Variants in TMPRSS11B observed in about 807,000 individuals in gnomAD.
TMPRSS11B encodes the protein transmembrane protease serine 11B.
TMPRSS11B carries 53 observed loss-of-function variants against 44.7 expected under a neutral mutation model. The observed-to-expected ratio is 1.19, with a 90% CI of 0.95 to 1.49. TMPRSS11B has a LOEUF of 1.49. Among genes scored for constraint, TMPRSS11B ranks in the 40% most tolerant of loss-of-function variants. TMPRSS11B has a pLI of 0.00. For synonymous variants in TMPRSS11B, 140 were observed against 159.2 expected, an observed-to-expected ratio of 0.88 and a Z score of 0.91; for missense variants, 526 against 494.8, an observed-to-expected ratio of 1.06 and a Z score of -0.60.
chr4:68,235,948 T>C, intron 4 of TMPRSS11B, 54 bp downstream of exon 4: 1 of 1,008,172 alleles, frequency 9.9e-7, no homozygotes, highest in Non-Finnish European at 1.4e-6. Flanking sequence ...ATCAAGGTTG[T>C]ATGATATATC....
intron 5 of TMPRSS11B, among the ~76,000 whole-genome samples, chr4:68,232,950 T>C (rs1719558598): frequency 6.6e-6 from 1 of 151,200 alleles, no homozygotes; most frequent in South Asian, 2.1e-4. Flanking sequence ...ATTATATATA[T>C]TTTAAGGAAA....
At chr4:68,228,394 G>A (rs573540326) in intron 9 of TMPRSS11B, among the ~76,000 whole-genome samples, 1 of 152,182 alleles carries the variant, frequency 6.6e-6, no homozygotes, top group Non-Finnish European at 1.5e-5. Flanking sequence ...AAGTGGCATA[G>A]GCATGTGCCC....
At chr4:68,228,672 AT>A in intron 9 of TMPRSS11B, 69 bp downstream of exon 9, 1 of 1,517,998 alleles carries the variant, frequency 6.6e-7, no homozygotes, top group African/African-American at 1.4e-5. Flanking sequence ...CACAAAAAAA[AT>A]TTTATGTGGA....
rs751296735 is a variant in TMPRSS11B, at chr4:68,227,887, T to C, written c.*24A>G. ...AGGATAGCCTACAGTGGTCTTTATG[T>C]TCCTTTGTATAATTCCTTTTTTTTC... On this transcript the variant is annotated 3_prime_UTR_variant, in exon 10 of 10. Transcript: ENST00000332644. The C allele has an allele frequency of 6.4e-7, 1 of 1,562,828 alleles. No individual in the cohort carries two copies. The highest frequency in any genetic ancestry group is 8.6e-7 in the Non-Finnish European group (1 of 1,157,878).
At chr4:68,228,998 A>C in intron 8 of TMPRSS11B, 114 bp from the exon 9 acceptor site, 2 of 1,141,564 alleles carry the variant, frequency 1.8e-6, no homozygotes, top group Non-Finnish European at 2.5e-6. Flanking sequence ...GGCCAGTCCC[A>C]GGTTAGATTA....
intron 5 of TMPRSS11B, 71 bp from the exon 6 acceptor site, chr4:68,232,487 A>G (rs982665752): frequency 7.2e-5 from 101 of 1,403,428 alleles, no homozygotes; most frequent in Non-Finnish European, 9.7e-5. Flanking sequence ...CAACCTAAGA[A>G]CATAAATGCT....
chr4:68,234,068 G>C (rs1029595045), intron 5 of TMPRSS11B, among the ~76,000 whole-genome samples: 1 of 151,884 alleles, frequency 6.6e-6, no homozygotes, highest in Non-Finnish European at 1.5e-5. Context: ...GGCTGAGGCA[G>C]GAGAACTGCT....
chr4:68,239,834 G>T (rs1358191517), intron 2 of TMPRSS11B, among the ~76,000 whole-genome samples: 2 of 152,170 alleles, frequency 1.3e-5, no homozygotes, highest in African/African-American at 2.4e-5. Flanking sequence ...GTAGGGCCTA[G>T]AGAATGAACA....
At position 68,228,990 on chromosome 4, in the gene TMPRSS11B, C is replaced by T. The variant is rs1201519961; in HGVS notation, c.947-106G>A. ...ACTCTCTTGGTCACCAAGAGTCAGG[C>T]CAGTCCCAGGTTAGATTAGTCTCTT... On this transcript the variant is annotated intron_variant, in intron 8 of 9. Coordinates refer to ENST00000332644, the MANE Select transcript of TMPRSS11B (RefSeq NM_182502.3). 4.0e-6 allele frequency: 5 copies of T among 1,246,534 alleles called. No individual in the cohort carries two copies. In the African/African-American group the frequency reaches 6.1e-5, roughly 15 times the overall value. The allele number at this position is 1,246,534 out of a possible 1,614,324, so 77.2% of individuals were successfully genotyped here.
Position 68,245,684 on chromosome 4 carries a change from A to G in TMPRSS11B, c.-126T>C. The G allele has an allele frequency of 8.6e-7, 1 of 1,156,518 alleles. No homozygotes were observed. Among genetic ancestry groups the G allele is most frequent in the Non-Finnish European group, 1.3e-6 (1 of 776,774 alleles). 71.6% of individuals were successfully genotyped at this position (1,156,518 alleles called of 1,614,324 possible). The stretch of plus-strand genomic sequence containing the variant: ...TTAGAACCTTCTGACGCAGCTTTTG[A>G]CTTATGTGCTACATCCAGTGTTGGA... On this transcript the variant is annotated 5_prime_UTR_variant, in exon 1 of 10. Coordinates refer to ENST00000332644, the MANE Select transcript of TMPRSS11B (RefSeq NM_182502.3).
At position 68,236,022 on chromosome 4, in the gene TMPRSS11B, T is replaced by C. The variant is rs1267242639; in HGVS notation, c.288A>G (p.Lys96=). 1 of 1,580,760 alleles carries C rather than the reference T, an allele frequency of 6.3e-7. No individual in the cohort carries two copies. The highest frequency in any genetic ancestry group is 1.4e-5 in the African/African-American group (1 of 73,678). The change falls in exon 4 of 10, where the codon AAA becomes AAG. Residue 96 remains lysine, a synonymous_variant. Coordinates refer to ENST00000332644, the MANE Select transcript of TMPRSS11B (RefSeq NM_182502.3). ...QNSSIYKEYV[K]SEVIKLLPNA... The stretch of plus-strand genomic sequence containing the variant: ...CTTACAGAAGTTTGATGACCTCAGA[T>C]TTGACATATTCCTTATATATACTGG...
Position 68,229,992 on chromosome 4 carries a change from T to C in TMPRSS11B, c.687-476A>G, listed in dbSNP as rs111529055. ...ATGTACTCAGTGTTTAGCTCCCACT[T>C]ATAAGCAAGAAGATGTGGTATTTAG... On this transcript the variant is annotated intron_variant, in intron 7 of 9. Transcript: ENST00000332644. Among the ~76,000 whole-genome samples, 1,395 of 152,292 alleles carry C rather than the reference T, an allele frequency of 9.2e-3. 21 individuals carry two copies. The highest frequency in any genetic ancestry group is 0.032 in the African/African-American group (1,313 of 41,570).
Position 68,226,789 on chromosome 4 carries a change from A to G in TMPRSS11B, c.*1122T>C, listed in dbSNP as rs1437606391. 16 of 152,224 alleles carry G rather than the reference A, an allele frequency of 1.1e-4. No homozygotes were observed. The highest frequency in any genetic ancestry group is 1.0e-3 in the Admixed American group (16 of 15,284). 9.4% of individuals were successfully genotyped at this position (152,224 alleles called of 1,614,324 possible). On this transcript the variant is annotated 3_prime_UTR_variant, in exon 10 of 10. Transcript: ENST00000332644. ...ATCCATATGATTGCACTTTTACTAT[A>G]AGGAGATGCCACACAGTTCTCTGCC...
In TMPRSS11B at chr4:68,229,500, C is replaced by G; in HGVS notation, c.703G>C (p.Asp235His). 1 of 1,612,138 alleles carries G rather than the reference C, an allele frequency of 6.2e-7. No individual in the cohort carries two copies. The highest frequency in any genetic ancestry group is 8.5e-7 in the Non-Finnish European group (1 of 1,178,842). ...ACAATTCCAAAGTTGACAGTCCAATCTTTTGAATTATTTTTCCTAGAGGAC... is the reference window on the plus strand; with the variant it reads ...ACAATTCCAAAGTTGACAGTCCAATGTTTTGAATTATTTTTCCTAGAGGAC... Reference protein sequence around the residue: ...HCFAKKNNSKDWTVNFGIVVN... With the variant: ...HCFAKKNNSKHWTVNFGIVVN... Residue 235 changes from aspartate to histidine, a missense_variant, in exon 8 of 10, where the codon GAT becomes CAT. Coordinates refer to ENST00000332644, the MANE Select transcript of TMPRSS11B (RefSeq NM_182502.3).
At chr4:68,235,864 C>T in intron 4 of TMPRSS11B, 138 bp downstream of exon 4, 2 of 473,564 alleles carry the variant, frequency 4.2e-6, no homozygotes, top group South Asian at 1.5e-4. Context: ...TCCTTCGTTC[C>T]TTCCTTTCTT....
chr4:68,228,188 T>TTTTTCCTC, intron 9 of TMPRSS11B, 116 bp from the exon 10 acceptor site: 1 of 963,978 alleles, frequency 1.0e-6, no homozygotes, highest in Non-Finnish European at 1.5e-6. Context: ...TCTTTGGGCT[T>TTTTTCCTC]AGAACTCTGA....
In TMPRSS11B at chr4:68,245,582, A is replaced by G; in HGVS notation, c.-24T>C. 1.9e-6 allele frequency: 3 copies of G among 1,612,848 alleles called. No individual in the cohort carries two copies. The highest frequency in any genetic ancestry group is 1.7e-5 in the Admixed American group (1 of 59,980). On this transcript the variant is annotated 5_prime_UTR_variant, in exon 1 of 10. Transcript: ENST00000332644. ...ATAATGTTCTGATTGTTATGGCAGT[A>G]TCAGGTATAACGGTGGTAATGATGA...
Position 68,229,297 on chromosome 4 carries a change from G to A in TMPRSS11B, c.906C>T (p.Asp302=). 1 of 1,613,002 alleles carries A rather than the reference G, an allele frequency of 6.2e-7. No homozygotes were observed. Among genetic ancestry groups the A allele is most frequent in the South Asian group, 1.1e-5 (1 of 90,826 alleles). Residue 302 remains aspartate, a synonymous_variant, in exon 8 of 10, where the codon GAC becomes GAT. Coordinates refer to ENST00000332644, the MANE Select transcript of TMPRSS11B (RefSeq NM_182502.3). ...TTCCCCAACCTGTAACTACAACATT[G>A]TCATTTTCTGAGAGCTTCATTTTGG... ...PEAKMKLSEN[D]NVVVTGWGTL...
chr4:68,239,460 C>A (rs1719764608), intron 2 of TMPRSS11B, among the ~76,000 whole-genome samples: 1 of 152,148 alleles, frequency 6.6e-6, no homozygotes, highest in African/African-American at 2.4e-5. Context: ...AGTCCAGTCT[C>A]CAAGATTGTG....
Sources: gnomAD v4.1 joint callset for allele counts (sites outside exome capture counted in the v4.1 genomes callset) on GRCh38, gnomAD v4.1.1 for gene constraint, MANE v1.5 for transcripts, NCBI Gene and HGNC (gene_info 2026-07-23, HGNC 2026-07-21) for gene names.